Variants in DOCK6 observed in about 807,000 individuals in gnomAD.
DOCK6 encodes dedicator of cytokinesis 6, also known as dedicator of cytokinesis protein 6.
A neutral mutation model predicts 230.3 loss-of-function variants in DOCK6; 167 were observed. The observed-to-expected ratio is 0.73, with a 90% CI of 0.64 to 0.82. The LOEUF (loss-of-function observed/expected upper bound fraction) is 0.82, where lower values mean the gene tolerates loss of function less well. Among genes scored for constraint, DOCK6 ranks in the 40% least tolerant of loss-of-function variants. DOCK6 has a pLI of 0.00. For missense variants in DOCK6, 2,598 were observed against 2,825.8 expected, an observed-to-expected ratio of 0.92 and a Z score of 1.83; for synonymous variants, 1,148 against 1,185.0, an observed-to-expected ratio of 0.97 and a Z score of 0.64.
At position 11,201,076 on chromosome 19, in the gene DOCK6, G is replaced by A; in HGVS notation, c.5689-24C>T. On this transcript the variant is annotated intron_variant, in intron 44 of 47. Transcript: ENST00000294618. This position sits in a 1 kb window ranked among gnomAD's most constrained non-coding sequence, Gnocchi z 4.3. ...GTCTGTGGGGTAAGGGGAGGGGTGT[G>A]TACTCGCTGGGGCCTGAGGAGGTCC... 1 of 1,611,680 alleles carries A rather than the reference G, an allele frequency of 6.2e-7. No homozygotes were observed. Among genetic ancestry groups the A allele is most frequent in the Non-Finnish European group, 8.5e-7 (1 of 1,179,364 alleles).
chr19:11,204,775 CAA>C (rs1387825688), intron 39 of DOCK6, among the ~76,000 whole-genome samples: 2 of 152,140 alleles, frequency 1.3e-5, no homozygotes, highest in African/African-American at 4.8e-5. Context: ...CTCCTGGGCT[CAA>C]GTGATCCTCC....
intron 7 of DOCK6, 178 bp downstream of exon 7, chr19:11,247,888 G>A: frequency 1.7e-6 from 1 of 598,198 alleles, no homozygotes; most frequent in East Asian, 2.8e-5. Flanking sequence ...CTTAAGGATT[G>A]GAGACTCGGG....
chr19:11,228,276 G>T, intron 23 of DOCK6, among the ~76,000 whole-genome samples: 1 of 152,082 alleles, frequency 6.6e-6, no homozygotes. Context: ...CTCCCAAAGT[G>T]CTGGGATTAC....
At position 11,236,562 on chromosome 19, in the gene DOCK6, T is replaced by G; in HGVS notation, c.2176A>C (p.Lys726Gln). 1 of 1,592,756 alleles carries G rather than the reference T, an allele frequency of 6.3e-7. No individual in the cohort carries two copies. The highest frequency in any genetic ancestry group is 8.5e-7 in the Non-Finnish European group (1 of 1,170,130). ...SVHPQDPYLD[K>Q]FFTLVHVLEE... ...AGGACGTGCACCAGGGTGAAGAATT[T>G]GTCCAGGTAGGGGTCCTGGGTAGGG... The change falls in exon 20 of 48, where the codon AAA becomes CAA. Residue 726 changes from lysine (K) to glutamine (Q), a missense_variant. Lys to Gln is a moderately conservative substitution (Grantham distance 53). Transcript: ENST00000294618. This position sits in a 1 kb window ranked among gnomAD's most constrained non-coding sequence, Gnocchi z 5.2.
At chr19:11,225,748 A>G (rs1342684546) in intron 24 of DOCK6, among the ~76,000 whole-genome samples, 1 of 151,748 alleles carries the variant, frequency 6.6e-6, no homozygotes, top group African/African-American at 2.4e-5. Context: ...ACCCCAGTCA[A>G]TCTGGCCAGG....
In DOCK6 at chr19:11,238,289, C is replaced by A; in HGVS notation, c.1659G>T (p.Val553=). The change falls in exon 15 of 48, where the codon GTG becomes GTT. Residue 553 remains valine (V), a synonymous_variant. Transcript: ENST00000294618. ...PHTSYRNLLY[V]YPHSLNFSSR... is the part of the protein sequence containing the mutation. ...TGCTGAAGTTGAGGCTGTGCGGGTA[C>A]ACGTACAGCAGGTTCCTGTGGGGGG... 1 of 1,609,466 alleles carries A rather than the reference C, an allele frequency of 6.2e-7. No individual in the cohort carries two copies. Among genetic ancestry groups the A allele is most frequent in the Non-Finnish European group, 8.5e-7 (1 of 1,178,074 alleles).
chr19:11,244,950 G>T (rs2080009841), intron 9 of DOCK6, among the ~76,000 whole-genome samples: 1 of 152,150 alleles, frequency 6.6e-6, no homozygotes, highest in Admixed American at 6.6e-5. Flanking sequence ...ATGGCTCTGA[G>T]CCATGAGGCC....
Position 11,201,966 on chromosome 19 carries a change from T to C in DOCK6, c.5611A>G (p.Lys1871Glu), listed in dbSNP as rs1283671935. 2.5e-6 allele frequency: 4 copies of C among 1,613,664 alleles called. No homozygotes were observed. Among genetic ancestry groups the C allele is most frequent in the Non-Finnish European group, 3.4e-6 (4 of 1,179,740 alleles). ...TCGGTGCTGAGCAGCGTCTTACGCT[T>C]GTGTTGCTCGGGCAGCTCCCCGTGT... ...RAHGELPEQHKRKTLLSTDHA... is the reference protein window; with the variant it reads ...RAHGELPEQHERKTLLSTDHA... Residue 1871 changes from lysine to glutamate, a missense_variant, in exon 44 of 48, where the codon AAG (lysine) becomes GAG (glutamate). Coordinates refer to ENST00000294618, the MANE Select transcript of DOCK6 (RefSeq NM_020812.4). The surrounding 1 kb of genome is among the most constrained non-coding windows in gnomAD (Gnocchi z 4.3).
chr19:11,223,601 C>A (rs1202784685), intron 24 of DOCK6, among the ~76,000 whole-genome samples: 1 of 152,256 alleles, frequency 6.6e-6, no homozygotes, highest in South Asian at 2.1e-4. Flanking sequence ...AGCCTCTGCC[C>A]TAACTGATCG....
In DOCK6 at chr19:11,201,103, G is replaced by A. The variant is rs2079162493; in HGVS notation, c.5689-51C>T. On this transcript the variant is annotated intron_variant, in intron 44 of 47. Transcript: ENST00000294618. The surrounding 1 kb of genome is among the most constrained non-coding windows in gnomAD (Gnocchi z 4.3). Reference sequence around the variant, plus strand: ...ACTCGCTGGGGCCTGAGGAGGTCCTGATCGAAGCCAGTCGGGGGCAGCTCA... The same window carrying A: ...ACTCGCTGGGGCCTGAGGAGGTCCTAATCGAAGCCAGTCGGGGGCAGCTCA... 4 of 1,601,906 alleles carry A rather than the reference G, an allele frequency of 2.5e-6. No homozygotes were observed. Among genetic ancestry groups the A allele is most frequent in the African/African-American group, 2.7e-5 (2 of 74,790 alleles).
Position 11,250,958 on chromosome 19 carries a change from T to C in DOCK6, c.636A>G (p.Pro212=), listed in dbSNP as rs753783069. Residue 212 remains proline (P), a synonymous_variant, in exon 6 of 48, where the codon CCA becomes CCG. Coordinates refer to ENST00000294618, the MANE Select transcript of DOCK6 (RefSeq NM_020812.4). ...TTTCATTGCGCCGGTCCACATCTTC[T>C]GGGGCCGCCCGCTCTAGCAGAGAGG... The part of the protein sequence containing the change: ...LLPSLLERAA[P]EDVDRRNETL... 9 of 1,613,722 alleles carry C rather than the reference T, an allele frequency of 5.6e-6. No homozygotes were observed. In the East Asian group the frequency reaches 1.6e-4, roughly 28 times the overall value.
chr19:11,235,813 G>T, intron 20 of DOCK6, 54 bp from the exon 21 acceptor site: 3 of 1,520,418 alleles, frequency 2.0e-6, no homozygotes, highest in Non-Finnish European at 8.9e-7. Context: ...TCACCTCCCC[G>T]CCCACTTTCC....
chr19:11,202,806 G>A lies in DOCK6; in HGVS notation c.5236-97C>T, dbSNP rs2079193287. The A allele has an allele frequency of 5.0e-6, 8 of 1,586,492 alleles. No homozygotes were observed. The highest frequency in any genetic ancestry group is 1.1e-5 in the South Asian group (1 of 90,036). ...GTCTCGAATATCAGGATGGGAGTGT[G>A]AGGACCCCGAGAACATCAGGGCATG... On this transcript the variant is annotated intron_variant, in intron 41 of 47. Coordinates refer to ENST00000294618, the MANE Select transcript of DOCK6 (RefSeq NM_020812.4). The surrounding 1 kb of genome is among the most constrained non-coding windows in gnomAD (Gnocchi z 5.3).
Position 11,211,832 on chromosome 19 carries a change from CG to C in DOCK6, c.4694del (p.Thr1565ArgfsTer2), listed in dbSNP as rs1568675299. ...CCTCCTGGTGTTCCTTCATCTTCAC[CG>C]TGTCCGTCAGGATCATGTGCAGGTT... ...MFNLHMILTD[T>X]VKMKEHQEDP... On this transcript the variant is annotated frameshift_variant, in exon 37 of 48. Coordinates refer to ENST00000294618, the MANE Select transcript of DOCK6 (RefSeq NM_020812.4). LOFTEE classifies it high-confidence loss of function. The C allele has an allele frequency of 6.4e-7, 1 of 1,552,460 alleles. No individual in the cohort carries two copies. The highest frequency in any genetic ancestry group is 8.7e-7 in the Non-Finnish European group (1 of 1,147,356).
intron 1 of DOCK6, among the ~76,000 whole-genome samples, chr19:11,256,772 G>T (rs1178365174): frequency 1.3e-5 from 2 of 152,130 alleles, no homozygotes; most frequent in African/African-American, 4.8e-5. Context: ...CCACCTCCAG[G>T]GTTCAAGCGA....
rs988898191 is a variant in DOCK6, at chr19:11,258,450, T to C, written c.44+3947A>G. ...TCTCTCTCTCTCTCTTTTTTTTTTTTCCTTGAGATGGAGTCTCTGTCGTCC... is the reference window on the plus strand; with the variant it reads ...TCTCTCTCTCTCTCTTTTTTTTTTTCCCTTGAGATGGAGTCTCTGTCGTCC... On this transcript the variant is annotated intron_variant, in intron 1 of 47. Coordinates refer to ENST00000294618, the MANE Select transcript of DOCK6 (RefSeq NM_020812.4). Among the ~76,000 whole-genome samples the C allele has an allele frequency of 1.2e-4, 18 of 151,980 alleles. No homozygotes were observed. In the East Asian group the frequency reaches 1.7e-3, roughly 15 times the overall value.
rs12609620 is a variant in DOCK6 at position 11,214,214 on chromosome 19, T to C, written c.4338+61A>G. ...TGCTGGGATTAGAGGCATGAGCCACTGTGCTCAGCCTAGAGCTGCTACTGT... is the reference window on the plus strand; with the variant it reads ...TGCTGGGATTAGAGGCATGAGCCACCGTGCTCAGCCTAGAGCTGCTACTGT... On this transcript the variant is annotated intron_variant, in intron 34 of 47. Coordinates refer to ENST00000294618, the MANE Select transcript of DOCK6 (RefSeq NM_020812.4). 0.67 allele frequency: 1,014,183 copies of C among 1,517,798 alleles called. 340,222 individuals carry two copies. The highest frequency in any genetic ancestry group is 0.69 in the Non-Finnish European group (772,228 of 1,126,798). The allele number at this position is 1,517,798 out of a possible 1,614,324, so 94.0% of individuals were successfully genotyped here.
Position 11,201,761 on chromosome 19 carries a change from C to A in DOCK6, c.5688+128G>T. The A allele has an allele frequency of 1.1e-6, 1 of 874,862 alleles. No individual in the cohort carries two copies. The highest frequency in any genetic ancestry group is 1.8e-6 in the Non-Finnish European group (1 of 570,792). The allele number at this position is 874,862 out of a possible 1,614,324, so 54.2% of individuals were successfully genotyped here. On this transcript the variant is annotated intron_variant, in intron 44 of 47. Transcript: ENST00000294618. The surrounding 1 kb of genome is among the most constrained non-coding windows in gnomAD (Gnocchi z 4.3). ...GATCTGGTCTAGGGTCCCTGTGCCA[C>A]CCCTCTCTGGGTCTGAGGTCCGTGA...
At chr19:11,261,553 T>G (rs562541626) in intron 1 of DOCK6, among the ~76,000 whole-genome samples, 5 of 152,286 alleles carry the variant, frequency 3.3e-5, no homozygotes, top group South Asian at 2.1e-4. Context: ...TACCTGAGCT[T>G]CTGAACGCAC....
Sources: allele counts gnomAD v4.1 joint callset (sites outside exome capture counted in the v4.1 genomes callset), GRCh38; gene constraint gnomAD v4.1.1; non-coding constraint Gnocchi (gnomAD v3.1); transcripts MANE v1.5; gene names NCBI Gene and HGNC (gene_info 2026-07-23, HGNC 2026-07-21).